Variants in ZNF787 observed in about 807,000 individuals in gnomAD.
ZNF787 encodes the protein TTF-I-interacting peptide 20.
ZNF787 carries 7 observed loss-of-function variants against 16.9 expected under a neutral mutation model. That is an observed-to-expected ratio of 0.42 (90% confidence interval 0.24 to 0.78). ZNF787 has a LOEUF of 0.78. ZNF787 is among the 30% of genes least tolerant of loss of function. The pLI is 0.30. For missense variants in ZNF787, 551 were observed against 589.3 expected, an observed-to-expected ratio of 0.94 and a Z score of 0.67; for synonymous variants, 345 against 270.9, an observed-to-expected ratio of 1.27 and a Z score of -2.69.
intron 1 of ZNF787, among the ~76,000 whole-genome samples, chr19:56,110,116 CTT>C: frequency 6.6e-6 from 1 of 152,216 alleles, no homozygotes; most frequent in Non-Finnish European, 1.5e-5. Flanking sequence ...AATCCCAACA[CTT>C]TGGGAGGCCA....
At chr19:56,111,646 G>C (rs2029982575) in intron 1 of ZNF787, among the ~76,000 whole-genome samples, 1 of 152,126 alleles carries the variant, frequency 6.6e-6, no homozygotes, top group African/African-American at 2.4e-5. Context: ...CTAAGAGGGA[G>C]GCGGGAAGGA....
At chr19:56,107,537 G>A (rs1455255309) in intron 1 of ZNF787, among the ~76,000 whole-genome samples, 1 of 152,020 alleles carries the variant, frequency 6.6e-6, no homozygotes, top group Non-Finnish European at 1.5e-5. Flanking sequence ...GGAGAAACGA[G>A]TCACCAGGAG....
chr19:56,089,568 C>A (rs759088778), intron 2 of ZNF787, among the ~76,000 whole-genome samples: 1 of 152,290 alleles, frequency 6.6e-6, no homozygotes, highest in South Asian at 2.1e-4. Flanking sequence ...GTTTGGCACC[C>A]TGAAGACGTG....
At chr19:56,109,403 A>G (rs965889188) in intron 1 of ZNF787, among the ~76,000 whole-genome samples, 13 of 152,272 alleles carry the variant, frequency 8.5e-5, no homozygotes, top group African/African-American at 2.9e-4. Context: ...CCCTCCTCGT[A>G]GAGGAAGAGG....
At chr19:56,102,929 G>C in intron 2 of ZNF787, 2 of 709,638 alleles carry the variant, frequency 2.8e-6, no homozygotes, top group African/African-American at 1.7e-5. Flanking sequence ...AGATCATCCA[G>C]CAGAAAGGAA....
chr19:56,101,802 C>T (rs1004938100), intron 2 of ZNF787: 6 of 152,170 alleles, frequency 3.9e-5, no homozygotes, highest in African/African-American at 1.2e-4. Flanking sequence ...ACACTGCGTC[C>T]ACACACTTGA....
At chr19:56,107,444 G>A (rs930359166) in intron 1 of ZNF787, among the ~76,000 whole-genome samples, 6 of 152,088 alleles carry the variant, frequency 3.9e-5, no homozygotes, top group Non-Finnish European at 8.8e-5. Flanking sequence ...GAAGACATAA[G>A]GGTCACTGGG....
intron 1 of ZNF787, among the ~76,000 whole-genome samples, chr19:56,105,795 A>G (rs1340739054): frequency 6.6e-6 from 1 of 152,150 alleles, no homozygotes; most frequent in Non-Finnish European, 1.5e-5. Context: ...AATGATATTT[A>G]GTGTATTCAG....
chr19:56,089,100 G>T lies in ZNF787; in HGVS notation c.80-8C>A, dbSNP rs1599936721. The stretch of plus-strand genomic sequence containing the variant: ...CCATGATGAGGATGTCCACTGGAAA[G>T]CAAGAGGGTAGGGGGAGGTGAGTCA... On this transcript the variant is annotated splice_polypyrimidine_tract_variant and splice_region_variant and intron_variant, in intron 2 of 2. Transcript: ENST00000610935. 1 of 1,455,312 alleles carries T rather than the reference G, an allele frequency of 6.9e-7. No homozygotes were observed. 90.1% of individuals were successfully genotyped at this position (1,455,312 alleles called of 1,614,324 possible).
rs3050246 is a variant in ZNF787 at position 56,088,000 on chromosome 19, G to GCCCC, written c.*19_*22dup. 6 of 985,000 alleles carry GCCCC rather than the reference G, an allele frequency of 6.1e-6. No homozygotes were observed. The East Asian group carries it at 2.4e-4, about 39-fold the overall frequency. The allele number at this position is 985,000 out of a possible 1,614,324, so 61.0% of individuals were successfully genotyped here. ...CCGCCAAGCCCGAGGGGCCCTGCCC[G>GCCCC]CCCCCCCCCCCGGGCCCCTCCCCTA... On this transcript the variant is annotated 3_prime_UTR_variant, in exon 3 of 3. Transcript: ENST00000610935.
At position 56,087,847 on chromosome 19, in the gene ZNF787, T is replaced by C; in HGVS notation, c.*176A>G. On this transcript the variant is annotated 3_prime_UTR_variant, in exon 3 of 3. Coordinates refer to ENST00000610935, the MANE Select transcript of ZNF787 (RefSeq NM_001002836.4). Reference sequence around the variant, plus strand: ...TCGAGGCGGAGAAGTGAACGGGCCCTAATACGCCCCAGTGCCCCCCCACGG... The same window carrying C: ...TCGAGGCGGAGAAGTGAACGGGCCCCAATACGCCCCAGTGCCCCCCCACGG... 1.4e-5 allele frequency: 15 copies of C among 1,064,510 alleles called. No individual in the cohort carries two copies. Among genetic ancestry groups the C allele is most frequent in the Non-Finnish European group, 1.8e-5 (15 of 831,774 alleles). The allele number at this position is 1,064,510 out of a possible 1,614,324, so 65.9% of individuals were successfully genotyped here.
At position 56,088,764 on chromosome 19, in the gene ZNF787, G is replaced by A. The variant is rs756937374; in HGVS notation, c.408C>T (p.Asn136=). 2.5e-6 allele frequency: 4 copies of A among 1,611,942 alleles called. No individual in the cohort carries two copies. The highest frequency in any genetic ancestry group is 2.2e-5 in the South Asian group (2 of 90,984). Residue 136 remains asparagine, a synonymous_variant, in exon 3 of 3, where the codon AAC becomes AAT. Transcript: ENST00000610935. The surrounding 1 kb of genome is among the most constrained non-coding windows in gnomAD (Gnocchi z 8.6). ...TGTGGATGCGCTGGTGCTGCATGAG[G>A]TTGGAGCTCCAGCTGAAGCGCTTGC... ...ECGKRFSWSS[N]LMQHQRIHTG...
chr19:56,095,691 A>AC (rs1053914637), intron 2 of ZNF787, among the ~76,000 whole-genome samples: 1 of 152,084 alleles, frequency 6.6e-6, no homozygotes, highest in African/African-American at 2.4e-5. Flanking sequence ...ACAGCACTTT[A>AC]CCTGGTTGCT....
At chr19:56,096,976 C>A (rs1431746474) in intron 2 of ZNF787, among the ~76,000 whole-genome samples, 1 of 152,114 alleles carries the variant, frequency 6.6e-6, no homozygotes, top group Non-Finnish European at 1.5e-5. Context: ...CATCTGGGGT[C>A]ATCAGGAGAA....
intron 1 of ZNF787, among the ~76,000 whole-genome samples, chr19:56,105,978 G>A (rs1969350730): frequency 1.6e-5 from 2 of 123,494 alleles, no homozygotes; most frequent in African/African-American, 3.2e-5. Context: ...CAGTCACCGC[G>A]CATTCCCCCC....
intron 1 of ZNF787, among the ~76,000 whole-genome samples, chr19:56,118,885 C>A (rs578039887): frequency 6.6e-6 from 1 of 152,270 alleles, no homozygotes; most frequent in South Asian, 2.1e-4. Flanking sequence ...GCTGTGACCC[C>A]TGCCATTCCC....
chr19:56,089,007 G>A lies in ZNF787; in HGVS notation c.165C>T (p.Gly55=), dbSNP rs372159161. 7.8e-5 allele frequency: 116 copies of A among 1,489,796 alleles called. 2 individuals are homozygous for A. The South Asian group carries it at 1.0e-3, about 13-fold the overall frequency. The allele number at this position is 1,489,796 out of a possible 1,614,324, so 92.3% of individuals were successfully genotyped here. A position where few individuals can be genotyped will look rare whatever the true frequency, so the allele number is the denominator to read the frequency against. Residue 55 remains glycine, a synonymous_variant, in exon 3 of 3, where the codon GGC becomes GGT. Coordinates refer to ENST00000610935, the MANE Select transcript of ZNF787 (RefSeq NM_001002836.4). ...LSPPQSAPPA[G]PPPRPRPPAP... ...CGGGCGGCCGCGGCCGGGGAGGCGGGCCGGCTGGGGGCGCAGACTGGGGCG... is the reference window on the plus strand; with the variant it reads ...CGGGCGGCCGCGGCCGGGGAGGCGGACCGGCTGGGGGCGCAGACTGGGGCG...
intron 2 of ZNF787, among the ~76,000 whole-genome samples, chr19:56,091,917 C>T (rs900943768): frequency 4.4e-5 from 2 of 45,400 alleles, no homozygotes; most frequent in East Asian, 3.4e-4. Context: ...CAGCCGCAGC[C>T]GCAGCCGAAG....
intron 1 of ZNF787, among the ~76,000 whole-genome samples, chr19:56,104,546 C>T (rs1986228695): frequency 6.6e-6 from 1 of 151,886 alleles, no homozygotes; most frequent in Non-Finnish European, 1.5e-5. Flanking sequence ...CCGTGCCACG[C>T]ACCAGGAAGG....
Sources: allele counts gnomAD v4.1 joint callset (sites outside exome capture counted in the v4.1 genomes callset), GRCh38; gene constraint gnomAD v4.1.1; non-coding constraint Gnocchi (gnomAD v3.1); transcripts MANE v1.5; gene names NCBI Gene and HGNC (gene_info 2026-07-23, HGNC 2026-07-21).